Variants in NELL1 observed in about 807,000 individuals in gnomAD.
The protein encoded by NELL1 is neural EGFL like 1.
NELL1 carries 76 observed loss-of-function variants against 107.4 expected under a neutral mutation model. That is an observed-to-expected ratio of 0.71 (90% CI 0.59 to 0.86). The LOEUF (loss-of-function observed/expected upper bound fraction) is 0.86. Among genes scored for constraint, NELL1 ranks in the 40% least tolerant of loss-of-function variants. The pLI is 0.00. For synonymous variants in NELL1, 353 were observed against 341.2 expected (o/e 1.03, Z -0.38); for missense variants, 1,024 against 1,005.5 (o/e 1.02, Z -0.25).
chr11:20,863,275 A>AC (rs1186297757), intron 4 of NELL1, among the ~76,000 whole-genome samples: 6 of 130,996 alleles, frequency 4.6e-5, no homozygotes, highest in Non-Finnish European at 9.8e-5. Flanking sequence ...GCGGGGGCTG[A>AC]CCCCCCACCT....
intron 12 of NELL1, among the ~76,000 whole-genome samples, chr11:20,971,155 C>T (rs1039954610): frequency 7.2e-5 from 11 of 152,030 alleles, no homozygotes; most frequent in African/African-American, 2.4e-4. Context: ...GGATGGTGCC[C>T]AGAAGCCAAG....
At chr11:20,702,248 G>A (rs1037571028) in intron 2 of NELL1, among the ~76,000 whole-genome samples, 19 of 152,048 alleles carry the variant, frequency 1.2e-4, no homozygotes, top group Admixed American at 2.6e-4. Context: ...TGGATTCCTA[G>A]GTATTTTATT....
intron 12 of NELL1, among the ~76,000 whole-genome samples, chr11:21,081,385 T>C (rs891841279): frequency 1.3e-5 from 2 of 151,966 alleles, no homozygotes; most frequent in Non-Finnish European, 2.9e-5. Flanking sequence ...TCTCTTTTCC[T>C]TTTTTTCCCC....
chr11:21,461,441 C>A (rs1269520304), intron 15 of NELL1, among the ~76,000 whole-genome samples: 1 of 152,000 alleles, frequency 6.6e-6, no homozygotes, highest in East Asian at 1.9e-4. Flanking sequence ...TCTTTCTCCC[C>A]TATAAAAAAT....
At chr11:20,981,882 C>G (rs191684898) in intron 12 of NELL1, among the ~76,000 whole-genome samples, 4 of 152,024 alleles carry the variant, frequency 2.6e-5, no homozygotes, top group Non-Finnish European at 4.4e-5. Flanking sequence ...CAGGAGTAGC[C>G]TTCAGGCAAA....
chr11:21,511,730 C>T (rs919006371), intron 15 of NELL1, among the ~76,000 whole-genome samples: 2 of 152,086 alleles, frequency 1.3e-5, no homozygotes, highest in African/African-American at 2.4e-5. Context: ...TGCAAAGGCT[C>T]CAACACAGAT....
At position 20,952,138 on chromosome 11, in the gene NELL1, G is replaced by A. The variant is rs1156924654; in HGVS notation, c.1171+4703G>A. ...ACAGACCCATCATTTGACCCATCCC[G>A]GAATTCTTGACATACTCCTCAGGGT... On this transcript the variant is annotated intron_variant, in intron 11 of 19. Transcript: ENST00000357134. 3.3e-5 allele frequency among the ~76,000 whole-genome samples: 5 copies of A among 151,858 alleles called. No homozygotes were observed. In the East Asian group the frequency reaches 7.7e-4, roughly 23 times the overall value.
At chr11:21,018,499 A>G (rs1852621717) in intron 12 of NELL1, among the ~76,000 whole-genome samples, 2 of 152,004 alleles carry the variant, frequency 1.3e-5, no homozygotes, top group African/African-American at 4.8e-5. Flanking sequence ...GCAGTGTCAG[A>G]TGTTTGGTTT....
intron 3 of NELL1, among the ~76,000 whole-genome samples, chr11:20,795,418 T>A (rs1204936544): frequency 6.6e-6 from 1 of 152,256 alleles, no homozygotes; most frequent in Non-Finnish European, 1.5e-5. Context: ...TTTTTTACAG[T>A]AGCAATAGAG....
chr11:20,899,873 T>C (rs1849834220), intron 5 of NELL1, among the ~76,000 whole-genome samples: 1 of 141,874 alleles, frequency 7.0e-6, no homozygotes, highest in Non-Finnish European at 1.5e-5. Context: ...TTTCTAAAGC[T>C]ACATGAATCG....
intron 2 of NELL1, among the ~76,000 whole-genome samples, chr11:20,696,765 A>G (rs757732099): frequency 6.6e-5 from 10 of 152,170 alleles, no homozygotes; most frequent in Non-Finnish European, 1.0e-4. Context: ...AAGTTTAAGC[A>G]AAGAATAATT....
At chr11:21,447,064 C>A (rs1853450057) in intron 15 of NELL1, among the ~76,000 whole-genome samples, 1 of 152,164 alleles carries the variant, frequency 6.6e-6, no homozygotes, top group East Asian at 1.9e-4. Flanking sequence ...CAATACAGGC[C>A]CACAAGTAGT....
intron 15 of NELL1, among the ~76,000 whole-genome samples, chr11:21,505,644 G>T (rs1178796153): frequency 6.6e-6 from 1 of 151,996 alleles, no homozygotes; most frequent in East Asian, 1.9e-4. Flanking sequence ...TTTTAGCTTT[G>T]TCTGATAAAA....
At chr11:21,483,990 C>CATAAATAT (rs1554920912) in intron 15 of NELL1, among the ~76,000 whole-genome samples, 1 of 88,400 alleles carries the variant, frequency 1.1e-5, no homozygotes, top group Non-Finnish European at 2.2e-5. Flanking sequence ...TTTTACTTAA[C>CATAAATAT]ATATATATAT....
intron 12 of NELL1, among the ~76,000 whole-genome samples, chr11:20,995,055 G>T (rs1400368): frequency 6.6e-6 from 1 of 151,908 alleles, no homozygotes; most frequent in South Asian, 2.1e-4. Flanking sequence ...CTCCTCACCT[G>T]CATGATGTTA....
At chr11:20,799,341 G>A (rs1478643281) in intron 3 of NELL1, among the ~76,000 whole-genome samples, 1 of 152,206 alleles carries the variant, frequency 6.6e-6, no homozygotes, top group African/African-American at 2.4e-5. Context: ...TCATGACAAA[G>A]TGTGATATTT....
In NELL1 at chr11:21,138,265, A is replaced by G. The variant is rs563660645; in HGVS notation, c.1426+24551A>G. On this transcript the variant is annotated intron_variant, in intron 13 of 19. Coordinates refer to ENST00000357134, the MANE Select transcript of NELL1 (RefSeq NM_006157.5). ...GGGATTACTAAGTTAATGTTTTATA[A>G]ATCTCTGGAAAGATTCTAAATGTGA... Among the ~76,000 whole-genome samples, 278 of 152,278 alleles carry G rather than the reference A, an allele frequency of 1.8e-3. 1 individual carries two copies. The highest frequency in any genetic ancestry group is 6.4e-3 in the African/African-American group (266 of 41,558).
chr11:20,874,189 T>C (rs1345977478), intron 4 of NELL1, among the ~76,000 whole-genome samples: 1 of 152,188 alleles, frequency 6.6e-6, no homozygotes, highest in Non-Finnish European at 1.5e-5. Context: ...TGCCTCAGAC[T>C]CCCGAGTAGC....
chr11:20,988,850 A>G (rs528174649), intron 12 of NELL1, among the ~76,000 whole-genome samples: 1 of 152,014 alleles, frequency 6.6e-6, no homozygotes, highest in East Asian at 1.9e-4. Context: ...AGCCTCCCAA[A>G]GTGCTGAGAT....
Sources: allele counts gnomAD v4.1 joint callset (sites outside exome capture counted in the v4.1 genomes callset), GRCh38; gene constraint gnomAD v4.1.1; transcripts MANE v1.5; gene names NCBI Gene and HGNC (gene_info 2026-07-23, HGNC 2026-07-21).